Variants in NDST3 observed in about 807,000 individuals in gnomAD.
The protein encoded by NDST3 is N-deacetylase and N-sulfotransferase 3, also known as bifunctional heparan sulfate N-deacetylase/N-sulfotransferase 3.
A neutral mutation model predicts 96.1 loss-of-function variants in NDST3; 58 were observed. The observed-to-expected ratio is 0.60, with a 90% CI of 0.49 to 0.75. The LOEUF is 0.75. NDST3 is among the 30% of genes least tolerant of loss of function. NDST3 has a pLI of 0.00. For missense variants in NDST3, 788 were observed against 1,034.2 expected, an observed-to-expected ratio of 0.76 and a Z score of 3.27; for synonymous variants, 333 against 359.7, an observed-to-expected ratio of 0.93 and a Z score of 0.84.
intron 9 of NDST3, among the ~76,000 whole-genome samples, chr4:118,236,843 A>C (rs650460): frequency 0.36 from 54,140 of 152,082 alleles, 11,818 homozygotes; most frequent in Middle Eastern, 0.51. Context: ...AAACATAAAG[A>C]AAATGTACTT....
intron 6 of NDST3, among the ~76,000 whole-genome samples, chr4:118,150,907 A>C (rs1734345603): frequency 6.6e-6 from 1 of 151,978 alleles, no homozygotes; most frequent in South Asian, 2.1e-4. Flanking sequence ...AAAGGACTAT[A>C]AATCATACTG....
intron 1 of NDST3, among the ~76,000 whole-genome samples, chr4:118,043,652 G>A (rs924501735): frequency 6.6e-6 from 1 of 152,164 alleles, no homozygotes; most frequent in Non-Finnish European, 1.5e-5. Context: ...CTACTGCTAC[G>A]GTGCCACCTT....
At chr4:118,120,313 G>A (rs1040246707) in intron 4 of NDST3, among the ~76,000 whole-genome samples, 1 of 152,138 alleles carries the variant, frequency 6.6e-6, no homozygotes, top group Admixed American at 6.5e-5. Flanking sequence ...GAAGCACCAG[G>A]GTCGCTCAGG....
chr4:118,117,908 G>C (rs1731249770), intron 4 of NDST3, among the ~76,000 whole-genome samples: 1 of 152,144 alleles, frequency 6.6e-6, no homozygotes, highest in Non-Finnish European at 1.5e-5. Context: ...TAAAGGAAAT[G>C]GAGAACTTGA....
chr4:118,127,496 C>A (rs1490098077), intron 4 of NDST3, among the ~76,000 whole-genome samples: 2 of 151,866 alleles, frequency 1.3e-5, no homozygotes, highest in Non-Finnish European at 2.9e-5. Flanking sequence ...AAAATGAGTT[C>A]ACTGTAGGAG....
intron 2 of NDST3, among the ~76,000 whole-genome samples, chr4:118,073,765 T>C (rs1727275372): frequency 6.6e-6 from 1 of 152,148 alleles, no homozygotes; most frequent in Admixed American, 6.6e-5. Flanking sequence ...AGTTCCAATA[T>C]TGGTTATTTC....
rs528540771 is a variant in NDST3, at chr4:118,094,318, C to T, written c.982-10700C>T. On this transcript the variant is annotated intron_variant, in intron 2 of 13. Coordinates refer to ENST00000296499, the MANE Select transcript of NDST3 (RefSeq NM_004784.3). The stretch of plus-strand genomic sequence containing the variant: ...AACTTGCATCCAAAGAAAATTATAA[C>T]GCATTTCATCCCATCAAACTTATAA... Among the ~76,000 whole-genome samples the T allele has an allele frequency of 3.3e-4, 50 of 151,932 alleles. 2 individuals are homozygous for T. The highest frequency in any genetic ancestry group is 2.8e-3 in the Admixed American group (42 of 15,224).
chr4:118,040,292 A>C (rs1724368718), intron 1 of NDST3, among the ~76,000 whole-genome samples: 1 of 152,194 alleles, frequency 6.6e-6, no homozygotes, highest in African/African-American at 2.4e-5. Context: ...TAGAGGAAGG[A>C]GGTCTGAGTT....
intron 6 of NDST3, among the ~76,000 whole-genome samples, chr4:118,156,994 T>A (rs1239676539): frequency 6.6e-6 from 1 of 152,204 alleles, no homozygotes. Flanking sequence ...ATGAACAATC[T>A]GAGTGCAAAC....
intron 4 of NDST3, among the ~76,000 whole-genome samples, chr4:118,127,289 T>C (rs890051948): frequency 3.3e-5 from 5 of 152,088 alleles, no homozygotes; most frequent in Non-Finnish European, 5.9e-5. Context: ...CTTGGAGAGT[T>C]TCCCCCATGT....
chr4:118,112,229 T>A (rs1281731503), intron 3 of NDST3, among the ~76,000 whole-genome samples: 2 of 152,218 alleles, frequency 1.3e-5, no homozygotes, highest in Non-Finnish European at 2.9e-5. Flanking sequence ...AACAAATGCC[T>A]GAGCTATCTT....
intron 3 of NDST3, 120 bp downstream of exon 3, chr4:118,105,225 T>C (rs765489578): frequency 3.6e-5 from 23 of 641,950 alleles, no homozygotes; most frequent in Non-Finnish European, 6.1e-5. Context: ...CATTTTATCA[T>C]TCAATTCTAT....
intron 2 of NDST3, among the ~76,000 whole-genome samples, chr4:118,081,076 C>T (rs11098425): frequency 0.75 from 114,174 of 151,784 alleles, 45,587 homozygotes; most frequent in South Asian, 0.92. Context: ...CGCATGTGAA[C>T]CCATCTCATC....
At chr4:118,177,420 T>A (rs1424255822) in intron 6 of NDST3, among the ~76,000 whole-genome samples, 1 of 152,072 alleles carries the variant, frequency 6.6e-6, no homozygotes, top group African/African-American at 2.4e-5. Flanking sequence ...TTTTTTCTTG[T>A]CTTTGATGAA....
chr4:118,212,963 T>C (rs1178174022), intron 6 of NDST3, among the ~76,000 whole-genome samples: 1 of 152,226 alleles, frequency 6.6e-6, no homozygotes, highest in South Asian at 2.1e-4. Context: ...AATCCTCACA[T>C]GTAATTCATC....
chr4:118,184,644 T>C lies in NDST3; in HGVS notation c.1540-39847T>C, dbSNP rs868105641. Among the ~76,000 whole-genome samples, 713 of 95,468 alleles carry C rather than the reference T, an allele frequency of 7.5e-3. 5 individuals are homozygous for C. The highest frequency in any genetic ancestry group is 0.018 in the African/African-American group (621 of 34,432). 62.6% of individuals were successfully genotyped at this position (95,468 alleles called of 152,430 possible). On this transcript the variant is annotated intron_variant, in intron 6 of 13. Transcript: ENST00000296499. ...ACACACACACACACACACACACACA[T>C]ATTCTCTGTCTCTGTTGGTTCTGTT...
At chr4:118,161,469 C>A (rs1438508363) in intron 6 of NDST3, among the ~76,000 whole-genome samples, 6 of 152,114 alleles carry the variant, frequency 3.9e-5, no homozygotes, top group Non-Finnish European at 7.4e-5. Context: ...TGCCCTGCCC[C>A]CAGAGGTGGA....
intron 2 of NDST3, among the ~76,000 whole-genome samples, chr4:118,083,992 T>C (rs1578604489): frequency 6.6e-6 from 1 of 152,124 alleles, no homozygotes; most frequent in African/African-American, 2.4e-5. Context: ...AGGTTCACAG[T>C]GGAAAGAGAG....
chr4:118,174,795 A>G (rs1736171762), intron 6 of NDST3, among the ~76,000 whole-genome samples: 1 of 152,132 alleles, frequency 6.6e-6, no homozygotes, highest in Admixed American at 6.6e-5. Flanking sequence ...ACCCAGGTAC[A>G]AGTGTCCTTG....
Sources: gnomAD v4.1 joint callset for allele counts (sites outside exome capture counted in the v4.1 genomes callset) on GRCh38, gnomAD v4.1.1 for gene constraint, MANE v1.5 for transcripts, NCBI Gene and HGNC (gene_info 2026-07-23, HGNC 2026-07-21) for gene names.